Variants in TTC8 observed in about 807,000 individuals in gnomAD.
The protein encoded by TTC8 is tetratricopeptide repeat domain 8, also known as tetratricopeptide repeat protein 8.
TTC8 carries 47 observed loss-of-function variants against 72.5 expected under a neutral mutation model. The ratio of observed to expected loss-of-function variants is 0.65; its 90% CI spans 0.51 to 0.83. The LOEUF is 0.83. Ranked by LOEUF, TTC8 falls within the 40% of genes least tolerant of loss-of-function variation. The pLI is 0.00. For missense variants in TTC8, 611 were observed against 623.2 expected (o/e 0.98, Z 0.21); for synonymous variants, 199 against 221.4 (o/e 0.90, Z 0.90).
rs754686957 is a variant in TTC8, at chr14:88,841,177, G to T, written c.470G>T (p.Arg157Ile). The stretch of plus-strand genomic sequence containing the variant: ...CGCCCTATCACCAGCTCCTCCGGAA[G>T]ATTTGTCAGGCTGGGAACGGTAAAT... ...TARPITSSSG[R>I]FVRLGTASML... Residue 157 changes from arginine (R) to isoleucine (I), a missense_variant, in exon 5 of 15, where the codon AGA becomes ATA. Arg to Ile is a moderately conservative substitution (Grantham distance 97). Coordinates refer to ENST00000380656, the MANE Select transcript of TTC8 (RefSeq NM_144596.4). 1 of 1,614,062 alleles carries T rather than the reference G, an allele frequency of 6.2e-7. No homozygotes were observed. Among genetic ancestry groups the T allele is most frequent in the South Asian group, 1.1e-5 (1 of 91,078 alleles).
chr14:88,848,371 G>T (rs2094818474), intron 7 of TTC8, among the ~76,000 whole-genome samples: 1 of 152,062 alleles, frequency 6.6e-6, no homozygotes, highest in African/African-American at 2.4e-5. Flanking sequence ...CATTATAGGT[G>T]ATATTACACA....
In TTC8 at chr14:88,871,318, GTTTGTC is replaced by G. The variant is rs770432504; in HGVS notation, c.1050-223_1050-218del. 9.9e-5 allele frequency among the ~76,000 whole-genome samples: 15 copies of G among 152,136 alleles called. No homozygotes were observed. Among genetic ancestry groups the G allele is most frequent in the Non-Finnish European group, 1.8e-4 (12 of 68,022 alleles). ...TTTGGGGAGAAAACTTAGATCAGTTGTTTGTCTTTGTCTCTAGACACATTCCCCATG... is the reference window on the plus strand; with the variant it reads ...TTTGGGGAGAAAACTTAGATCAGTTGTTTGTCTCTAGACACATTCCCCATG... On this transcript the variant is annotated intron_variant, in intron 11 of 14. Coordinates refer to ENST00000380656, the MANE Select transcript of TTC8 (RefSeq NM_144596.4). The surrounding 1 kb of genome is among the most constrained non-coding windows in gnomAD (Gnocchi z 4.1).
intron 7 of TTC8, among the ~76,000 whole-genome samples, chr14:88,851,601 TG>T (rs1292233964): frequency 1.3e-5 from 2 of 152,228 alleles, no homozygotes; most frequent in Non-Finnish European, 2.9e-5. Flanking sequence ...TGAATTAAGC[TG>T]GCTGAAAATA....
At chr14:88,880,998 C>G (rs1175121939), downstream of TTC8, 1 of 152,028 alleles carries the variant, frequency 6.6e-6, no homozygotes, top group Non-Finnish European at 1.5e-5. Flanking sequence ...GGTGAAGGTA[C>G]TGTCAAAATT....
chr14:88,869,926 C>G, intron 10 of TTC8, 133 bp from the exon 11 acceptor site: 1 of 880,434 alleles, frequency 1.1e-6, no homozygotes, highest in Non-Finnish European at 1.8e-6. Flanking sequence ...TCCCCAGGGT[C>G]TAGAATGGAG....
chr14:88,866,136 C>T (rs142859006), intron 10 of TTC8, among the ~76,000 whole-genome samples: 17 of 152,042 alleles, frequency 1.1e-4, no homozygotes, highest in African/African-American at 3.9e-4. Flanking sequence ...GGAATGAGGA[C>T]GATTTTTCTA....
At chr14:88,866,411 ACACG>A (rs894772220) in intron 10 of TTC8, among the ~76,000 whole-genome samples, 3 of 149,494 alleles carry the variant, frequency 2.0e-5, no homozygotes, top group African/African-American at 7.5e-5. Flanking sequence ...ACACACACAC[ACACG>A]CACACACAAA....
At chr14:88,826,536 C>T (rs1294397552) in intron 1 of TTC8, among the ~76,000 whole-genome samples, 1 of 151,736 alleles carries the variant, frequency 6.6e-6, no homozygotes, top group African/African-American at 2.4e-5. Flanking sequence ...AACCCCCTCT[C>T]TACTAAAAAT....
At chr14:88,850,914 C>A (rs528711991) in intron 7 of TTC8, among the ~76,000 whole-genome samples, 4 of 152,262 alleles carry the variant, frequency 2.6e-5, no homozygotes, top group African/African-American at 7.2e-5. Flanking sequence ...CAGGTAAAAT[C>A]ATAAATCAGT....
rs549164669 is a variant in TTC8 at position 88,847,281 on chromosome 14, T to C, written c.624+3431T>C. Among the ~76,000 whole-genome samples the C allele has an allele frequency of 4.6e-5, 7 of 152,252 alleles. No homozygotes were observed. The South Asian group carries it at 1.5e-3, about 32-fold the overall frequency. On this transcript the variant is annotated intron_variant, in intron 7 of 14. Coordinates refer to ENST00000380656, the MANE Select transcript of TTC8 (RefSeq NM_144596.4). ...TGTAGTAAAATAGACCTGGGGAATA[T>C]TAGCAGAACTCAAAAACCAGAGCTC...
rs1176018465 is a variant in TTC8 at position 88,857,762 on chromosome 14, C to T, written c.798+485C>T. ...ATATACAGTTTAACCCTCACAATAA[C>T]CCTGCAAAGGTGAGTTTTATCATTT... On this transcript the variant is annotated intron_variant, in intron 9 of 14. Transcript: ENST00000380656. 2.6e-5 allele frequency among the ~76,000 whole-genome samples: 4 copies of T among 152,106 alleles called. No individual in the cohort carries two copies. The East Asian group carries it at 7.7e-4, about 29-fold the overall frequency.
chr14:88,867,248 C>A (rs947812436), intron 10 of TTC8, among the ~76,000 whole-genome samples: 9 of 151,950 alleles, frequency 5.9e-5, no homozygotes. Context: ...GTTTTTATAG[C>A]ATGTTTTTTG....
chr14:88,825,984 T>A (rs1196743615), intron 1 of TTC8, among the ~76,000 whole-genome samples: 1 of 151,596 alleles, frequency 6.6e-6, no homozygotes, highest in Non-Finnish European at 1.5e-5. Context: ...TTTTTTTATT[T>A]TTTTTTATTT....
intron 9 of TTC8, among the ~76,000 whole-genome samples, chr14:88,857,527 A>T (rs1487801807): frequency 6.6e-6 from 1 of 152,134 alleles, no homozygotes. Flanking sequence ...ACAGGAGAAA[A>T]TACCATAGGC....
At chr14:88,852,918 AC>A (rs1595959024) in intron 7 of TTC8, 52 bp from the exon 8 acceptor site, 6 of 1,431,084 alleles carry the variant, frequency 4.2e-6, no homozygotes, top group Non-Finnish European at 5.9e-6. Flanking sequence ...TATTTTCCTG[AC>A]TGCTTATTGT....
At position 88,865,920 on chromosome 14, in the gene TTC8, A is replaced by T. The variant is rs537143142; in HGVS notation, c.910-4139A>T. ...ATAGAGTCAATGTGTGTTCATATAT[A>T]TGAAAATTTAAGATGTGAGAAAGAT... On this transcript the variant is annotated intron_variant, in intron 10 of 14. Coordinates refer to ENST00000380656, the MANE Select transcript of TTC8 (RefSeq NM_144596.4). Among the ~76,000 whole-genome samples, 241 of 152,250 alleles carry T rather than the reference A, an allele frequency of 1.6e-3. 1 individual carries two copies. Among genetic ancestry groups the T allele is most frequent in the African/African-American group, 5.3e-3 (219 of 41,584 alleles).
chr14:88,875,074 G>C lies in TTC8; in HGVS notation c.1396G>C (p.Glu466Gln). The C allele has an allele frequency of 6.2e-7, 1 of 1,612,724 alleles. No homozygotes were observed. The highest frequency in any genetic ancestry group is 2.2e-5 in the East Asian group (1 of 44,752). ...ATCATCATTAGCACCCCATATGTAT[G>C]AACCGCATTTTAATTTTGCAACAAT... Reference protein sequence around the residue: ...TASSLAPHMYEPHFNFATISD... With the variant: ...TASSLAPHMYQPHFNFATISD... Residue 466 changes from glutamate to glutamine, a missense_variant, in exon 14 of 15, where the codon GAA (glutamate) becomes CAA (glutamine). By Grantham distance (29) the Glu-to-Gln change is conservative. Transcript: ENST00000380656.
intron 7 of TTC8, among the ~76,000 whole-genome samples, chr14:88,852,090 G>GA (rs2140997993): frequency 6.6e-6 from 1 of 152,270 alleles, no homozygotes; most frequent in South Asian, 2.1e-4. Flanking sequence ...AGCCTTGAGA[G>GA]AAAAATCGTA....
At chr14:88,846,515 G>A (rs529087174) in intron 7 of TTC8, 15 of 676,458 alleles carry the variant, frequency 2.2e-5, no homozygotes, top group African/African-American at 1.3e-4. Context: ...CTGTGAGGGG[G>A]AAGAGTTGTT....
Sources: gnomAD v4.1 joint callset for allele counts (sites outside exome capture counted in the v4.1 genomes callset) on GRCh38, gnomAD v4.1.1 for gene constraint, Gnocchi (gnomAD v3.1) non-coding constraint, MANE v1.5 for transcripts, NCBI Gene and HGNC (gene_info 2026-07-23, HGNC 2026-07-21) for gene names.